The following PARD3B variants were observed in gnomAD, a reference collection of about 807,000 sequenced individuals.
PARD3B encodes par-3 family cell polarity regulator beta.
Under a neutral mutation model 130.2 loss-of-function variants are expected in PARD3B, and 103 were observed. The ratio of observed to expected loss-of-function variants is 0.79; its 90% CI spans 0.67 to 0.93. The LOEUF is 0.93. Among genes scored for constraint, PARD3B ranks in the 40% least tolerant of loss-of-function variants. The pLI is 0.00. For missense variants in PARD3B, 1,609 were observed against 1,499.2 expected, an observed-to-expected ratio of 1.07 and a Z score of -1.21; for synonymous variants, 583 against 553.2, an observed-to-expected ratio of 1.05 and a Z score of -0.76.
In PARD3B at chr2:205,357,613, C is replaced by T. The variant is rs184951956; in HGVS notation, c.2631-43400C>T. On this transcript the variant is annotated intron_variant, in intron 18 of 22. Coordinates refer to ENST00000406610, the MANE Select transcript of PARD3B (RefSeq NM_001302769.2). ...AATGAAAGATTCTGAAGTTTTGGAA[C>T]GAAAGTTTTAGCTCAGGAAATGGAA... Among the ~76,000 whole-genome samples the T allele has an allele frequency of 1.8e-3, 276 of 151,478 alleles. 1 individual carries two copies. The highest frequency in any genetic ancestry group is 3.2e-3 in the Non-Finnish European group (218 of 67,898).
chr2:205,254,820 T>A (rs1192946065), intron 16 of PARD3B, among the ~76,000 whole-genome samples: 3 of 151,008 alleles, frequency 2.0e-5, no homozygotes, highest in Admixed American at 6.6e-5. Flanking sequence ...GCCCGCCACC[T>A]CGCCCGGCTA....
intron 18 of PARD3B, among the ~76,000 whole-genome samples, chr2:205,320,252 G>A (rs1462140322): frequency 7.0e-6 from 1 of 142,690 alleles, no homozygotes; most frequent in East Asian, 1.9e-4. Flanking sequence ...ATGAAGGAAG[G>A]AAGGAAGGAA....
At chr2:205,528,828 G>A (rs1200174702) in intron 21 of PARD3B, among the ~76,000 whole-genome samples, 1 of 148,574 alleles carries the variant, frequency 6.7e-6, no homozygotes, top group East Asian at 2.0e-4. Flanking sequence ...GCCTAACGAG[G>A]AATGCCAGCA....
At chr2:205,380,548 GAATATATATTATATATAATATATAAAGAA>G (rs2045325153) in intron 18 of PARD3B, among the ~76,000 whole-genome samples, 2 of 3,622 alleles carry the variant, frequency 5.5e-4, no homozygotes, top group Non-Finnish European at 1.4e-3. Flanking sequence ...AATATATAAA[GAATATATATTATATATAATATATAAAGAA>G]TATATATTAT....
At chr2:204,702,572 T>A (rs2037943571) in intron 2 of PARD3B, among the ~76,000 whole-genome samples, 1 of 152,130 alleles carries the variant, frequency 6.6e-6, no homozygotes, top group Non-Finnish European at 1.5e-5. Flanking sequence ...TTGCCTATTT[T>A]TATTTTATTT....
intron 16 of PARD3B, among the ~76,000 whole-genome samples, chr2:205,295,532 AT>A (rs1294372131): frequency 2.0e-5 from 3 of 152,352 alleles, no homozygotes; most frequent in South Asian, 4.1e-4. Context: ...TTGTTAATTT[AT>A]CATAAGTATT....
chr2:205,520,774 T>A (rs2051011029), intron 21 of PARD3B, among the ~76,000 whole-genome samples: 1 of 152,092 alleles, frequency 6.6e-6, no homozygotes, highest in Non-Finnish European at 1.5e-5. Context: ...TTTTACTTTG[T>A]TATATTTTGA....
chr2:205,398,065 G>A (rs1033239939), intron 18 of PARD3B, among the ~76,000 whole-genome samples: 5 of 152,238 alleles, frequency 3.3e-5, no homozygotes, highest in African/African-American at 4.8e-5. Flanking sequence ...TTGGGAGGCC[G>A]AGGCAGGCAG....
chr2:204,890,944 G>A lies in PARD3B; in HGVS notation c.223-74208G>A, dbSNP rs2125688540. 6.6e-6 allele frequency among the ~76,000 whole-genome samples: 1 copy of A among 152,232 alleles called. No homozygotes were observed. Among genetic ancestry groups the A allele is most frequent in the African/African-American group, 2.4e-5 (1 of 41,548 alleles). On this transcript the variant is annotated intron_variant, in intron 2 of 22. Transcript: ENST00000406610. The surrounding 1 kb of genome is among the most constrained non-coding windows in gnomAD (Gnocchi z 4.9). ...ATAATATCTCTTGCCATCATCCACT[G>A]CCTCCATGAGGATATTCTAGGAATC...
chr2:205,275,766 G>T (rs2105815396), intron 16 of PARD3B, among the ~76,000 whole-genome samples: 1 of 150,648 alleles, frequency 6.6e-6, no homozygotes, highest in East Asian at 2.0e-4. Flanking sequence ...GAACCTGGGA[G>T]GCGGAGGTTG....
rs369332951 is a variant in PARD3B, at chr2:204,691,535, T to A, written c.222+5253T>A. ...ATTAGTTATCAGTCCTTGGGCAAGC[T>A]TCTTCATCTCTCTGGTCTTGGTTTC... On this transcript the variant is annotated intron_variant, in intron 2 of 22. Transcript: ENST00000406610. Among the ~76,000 whole-genome samples the A allele has an allele frequency of 7.9e-5, 12 of 152,222 alleles. No homozygotes were observed. In the East Asian group the frequency reaches 1.9e-3, roughly 25 times the overall value.
chr2:205,418,314 G>T (rs1256541073), intron 19 of PARD3B, among the ~76,000 whole-genome samples: 1 of 151,884 alleles, frequency 6.6e-6, no homozygotes, highest in Admixed American at 6.6e-5. Context: ...AATTTTTTTG[G>T]CCTGAACTCT....
intron 20 of PARD3B, among the ~76,000 whole-genome samples, chr2:205,450,756 A>T (rs1022759641): frequency 1.3e-5 from 2 of 152,134 alleles, no homozygotes; most frequent in Non-Finnish European, 2.9e-5. Flanking sequence ...GATTACAGGC[A>T]TGAGCCACTG....
chr2:205,151,717 A>G (rs924771207), intron 10 of PARD3B, among the ~76,000 whole-genome samples: 4 of 152,148 alleles, frequency 2.6e-5, no homozygotes, highest in East Asian at 1.9e-4. Flanking sequence ...TCTTCATCCA[A>G]TTTACCAGTC....
At chr2:205,284,899 C>T (rs13002238) in intron 16 of PARD3B, among the ~76,000 whole-genome samples, 111,334 of 151,812 alleles carry the variant, frequency 0.73, 41,046 homozygotes, top group South Asian at 0.81. Context: ...TGATGCATCA[C>T]AAGCTCCTTC....
chr2:205,301,593 A>C lies in PARD3B; in HGVS notation c.2522A>C (p.Glu841Ala). 6.2e-7 allele frequency: 1 copy of C among 1,614,050 alleles called. No homozygotes were observed. The highest frequency in any genetic ancestry group is 8.5e-7 in the Non-Finnish European group (1 of 1,179,978). The change falls in exon 18 of 23, where the codon GAG becomes GCG. Residue 841 changes from glutamate to alanine, a missense_variant. Coordinates refer to ENST00000406610, the MANE Select transcript of PARD3B (RefSeq NM_001302769.2). The surrounding 1 kb of genome is among the most constrained non-coding windows in gnomAD (Gnocchi z 5.2). ...AAAGTCAAAAAAACGAAAGAGAAGG[A>C]GAAGAAAAAGGAAAAGGGCAAATTG... ...ARKVKKTKEK[E>A]KKKEKGKLKV...
At chr2:205,369,985 G>C (rs1283281910) in intron 18 of PARD3B, among the ~76,000 whole-genome samples, 1 of 152,122 alleles carries the variant, frequency 6.6e-6, no homozygotes, top group African/African-American at 2.4e-5. Flanking sequence ...GCTCCTCCTA[G>C]AGACTTTGTC....
chr2:204,904,465 C>T (rs1213970302), intron 2 of PARD3B, among the ~76,000 whole-genome samples: 1 of 152,108 alleles, frequency 6.6e-6, no homozygotes, highest in Non-Finnish European at 1.5e-5. Flanking sequence ...TATCAAATTC[C>T]TTTGGAAAAC....
At chr2:204,706,243 T>C (rs2038146056) in intron 2 of PARD3B, among the ~76,000 whole-genome samples, 1 of 151,862 alleles carries the variant, frequency 6.6e-6, no homozygotes, top group African/African-American at 2.4e-5. Flanking sequence ...GGCAGGTGCC[T>C]GTAGTCCCAG....
Sources: allele counts gnomAD v4.1 joint callset (sites outside exome capture counted in the v4.1 genomes callset), GRCh38; gene constraint gnomAD v4.1.1; non-coding constraint Gnocchi (gnomAD v3.1); transcripts MANE v1.5; gene names NCBI Gene and HGNC (gene_info 2026-07-23, HGNC 2026-07-21).